The following PTPRC variants were observed in gnomAD, a reference collection of about 807,000 sequenced individuals.
PTPRC encodes receptor-type tyrosine-protein phosphatase C.
A neutral mutation model predicts 155.9 loss-of-function variants in PTPRC; 44 were observed. The observed-to-expected ratio is 0.28, with a 90% CI of 0.22 to 0.36. PTPRC has a LOEUF of 0.36. Ranked by LOEUF, PTPRC falls within the 10% of genes least tolerant of loss-of-function variation. PTPRC has a pLI of 1.00. For synonymous variants in PTPRC, 525 were observed against 533.1 expected, an observed-to-expected ratio of 0.98 and a Z score of 0.21; for missense variants, 1,401 against 1,564.6, an observed-to-expected ratio of 0.90 and a Z score of 1.76.
At chr1:198,674,697 C>T (rs1664846981) in intron 2 of PTPRC, among the ~76,000 whole-genome samples, 1 of 151,876 alleles carries the variant, frequency 6.6e-6, no homozygotes, top group African/African-American at 2.4e-5. Context: ...TTTGCTTCAT[C>T]TTTCTCTGAA....
intron 26 of PTPRC, among the ~76,000 whole-genome samples, chr1:198,746,037 A>T (rs184969693): frequency 2.6e-5 from 4 of 151,928 alleles, no homozygotes; most frequent in Admixed American, 2.6e-4. Context: ...GATGACTGGG[A>T]AGTGGAGGGA....
intron 18 of PTPRC, among the ~76,000 whole-genome samples, chr1:198,732,055 C>G: frequency 6.6e-6 from 1 of 151,890 alleles, no homozygotes; most frequent in Non-Finnish European, 1.5e-5. Context: ...GACACAACAA[C>G]TAATCCTAAA....
intron 2 of PTPRC, among the ~76,000 whole-genome samples, chr1:198,682,685 A>G (rs1158105850): frequency 6.6e-6 from 1 of 151,742 alleles, no homozygotes; most frequent in Non-Finnish European, 1.5e-5. Flanking sequence ...AAGTACAGAC[A>G]TAATATAATC....
At chr1:198,689,011 C>T (rs1035677037) in intron 2 of PTPRC, among the ~76,000 whole-genome samples, 2 of 152,046 alleles carry the variant, frequency 1.3e-5, no homozygotes, top group African/African-American at 4.8e-5. Context: ...AGTATAGTGC[C>T]TGGCACCCAG....
intron 2 of PTPRC, chr1:198,680,043 G>T: frequency 1.9e-6 from 1 of 519,066 alleles, no homozygotes; most frequent in Non-Finnish European, 3.4e-6. Flanking sequence ...CCCTGGCATG[G>T]CTGTGCAAGA....
chr1:198,664,715 T>C (rs1453418428), intron 2 of PTPRC, among the ~76,000 whole-genome samples: 2 of 152,156 alleles, frequency 1.3e-5, no homozygotes, highest in Non-Finnish European at 2.9e-5. Flanking sequence ...AGCTCTAGAA[T>C]AGGCTGTTTG....
At chr1:198,748,235 A>G in intron 27 of PTPRC, 36 bp downstream of exon 27, 1 of 1,573,440 alleles carries the variant, frequency 6.4e-7, no homozygotes. Context: ...TGTATCAGAT[A>G]AAGTTAAGCT....
At chr1:198,724,159 G>A (rs1054137178) in intron 15 of PTPRC, among the ~76,000 whole-genome samples, 1 of 152,138 alleles carries the variant, frequency 6.6e-6, no homozygotes, top group East Asian at 1.9e-4. Context: ...TTCCACAAAG[G>A]AGACAACATT....
chr1:198,649,989 T>C (rs1213298279), intron 2 of PTPRC, among the ~76,000 whole-genome samples: 2 of 151,822 alleles, frequency 1.3e-5, no homozygotes, highest in Non-Finnish European at 2.9e-5. Context: ...AAGATCCTTA[T>C]GAAGAAGAAT....
intron 2 of PTPRC, among the ~76,000 whole-genome samples, chr1:198,644,355 A>T (rs1662817255): frequency 6.6e-6 from 1 of 151,912 alleles, no homozygotes; most frequent in Non-Finnish European, 1.5e-5. Context: ...CAGAAAAAAA[A>T]TATGGCAAGA....
chr1:198,663,864 CTAT>C (rs758679121), intron 2 of PTPRC, among the ~76,000 whole-genome samples: 23 of 151,946 alleles, frequency 1.5e-4, no homozygotes, highest in Non-Finnish European at 3.2e-4. Context: ...CATTGTTATG[CTAT>C]TATTATTTTT....
intron 20 of PTPRC, among the ~76,000 whole-genome samples, chr1:198,733,539 G>A (rs928628707): frequency 6.6e-6 from 1 of 151,770 alleles, no homozygotes; most frequent in African/African-American, 2.4e-5. Flanking sequence ...CCTCTCTGAA[G>A]AGCTCCTTTA....
rs960103977 is a variant in PTPRC, at chr1:198,734,353, T to C, written c.2205T>C (p.Asp735=). 9.3e-6 allele frequency: 15 copies of C among 1,611,292 alleles called. No individual in the cohort carries two copies. Among genetic ancestry groups the C allele is most frequent in the Non-Finnish European group, 1.3e-5 (15 of 1,177,986 alleles). ...AQGPRDETVD[D]FWRMIWEQKA... is the part of the protein sequence containing the mutation. ...GTCCCAGGGATGAAACTGTTGATGA[T>C]TTCTGGAGGATGATTTGGGAACAGA... is the stretch of plus-strand genomic sequence containing the variant. Residue 735 remains aspartate (D), a synonymous_variant, in exon 22 of 33, where the codon GAT becomes GAC. Coordinates refer to ENST00000442510, the MANE Select transcript of PTPRC (RefSeq NM_002838.5).
intron 15 of PTPRC, among the ~76,000 whole-genome samples, chr1:198,723,855 T>C (rs1654005647): frequency 6.6e-6 from 1 of 152,188 alleles, no homozygotes; most frequent in Non-Finnish European, 1.5e-5. Flanking sequence ...CATGTGTAGG[T>C]GTAGGAGCTG....
In PTPRC at chr1:198,673,983, C is replaced by T. The variant is rs961478829; in HGVS notation, c.74-18364C>T. On this transcript the variant is annotated intron_variant, in intron 2 of 32. Transcript: ENST00000442510. Reference sequence around the variant, plus strand: ...ATCTAGAGGCTAAAAACCATAAAAACAAGCTTCTTCTTAGTAGACTTTTGT... The same window carrying T: ...ATCTAGAGGCTAAAAACCATAAAAATAAGCTTCTTCTTAGTAGACTTTTGT... Among the ~76,000 whole-genome samples the T allele has an allele frequency of 5.3e-5, 8 of 152,236 alleles. No individual in the cohort carries two copies. In the South Asian group the frequency reaches 1.2e-3, roughly 24 times the overall value.
intron 14 of PTPRC, among the ~76,000 whole-genome samples, chr1:198,719,318 G>A (rs1267866657): frequency 6.6e-6 from 1 of 151,848 alleles, no homozygotes; most frequent in Non-Finnish European, 1.5e-5. Context: ...ATTGTTCTTT[G>A]TGTTATTCTT....
intron 11 of PTPRC, chr1:198,712,644 A>G: frequency 4.1e-6 from 1 of 245,342 alleles, no homozygotes; most frequent in Non-Finnish European, 7.9e-6. Context: ...TACAAATTCC[A>G]GGATTTTTAG....
rs145970279 is a variant in PTPRC, at chr1:198,676,166, C to T, written c.74-16181C>T. On this transcript the variant is annotated intron_variant, in intron 2 of 32. Coordinates refer to ENST00000442510, the MANE Select transcript of PTPRC (RefSeq NM_002838.5). ...TAATTCAATACATGGAGTATTAATG[C>T]GCTGTATGAATGCCGAAGGTAGTAT... is the stretch of plus-strand genomic sequence containing the variant. Among the ~76,000 whole-genome samples, 390 of 152,210 alleles carry T rather than the reference C, an allele frequency of 2.6e-3. 2 individuals are homozygous for T. The highest frequency in any genetic ancestry group is 0.011 in the East Asian group (55 of 5,186).
In PTPRC at chr1:198,696,807, G is replaced by T; in HGVS notation, c.196G>T (p.Glu66Ter). The change falls in exon 4 of 33, where the codon GAA (glutamate) becomes TAA (stop). Residue 66 changes from glutamate (E) to a stop codon, truncating the protein, a stop_gained. Coordinates refer to ENST00000442510, the MANE Select transcript of PTPRC (RefSeq NM_002838.5). LOFTEE classifies it high-confidence loss of function. ...CTCACCCGCAAGCACCTTTGAAAGA[G>T]AAAATGACTTCTCAGAGACCACAAC... The part of the protein sequence containing the change: ...AFSPASTFER[E>*]NDFSETTTSL... 5.0e-6 allele frequency: 8 copies of T among 1,613,970 alleles called. No individual in the cohort carries two copies. The highest frequency in any genetic ancestry group is 6.8e-6 in the Non-Finnish European group (8 of 1,179,880).
Sources: allele counts gnomAD v4.1 joint callset (sites outside exome capture counted in the v4.1 genomes callset), GRCh38; gene constraint gnomAD v4.1.1; transcripts MANE v1.5; gene names NCBI Gene and HGNC (gene_info 2026-07-23, HGNC 2026-07-21).